The following STRN4 variants were observed in gnomAD, a reference collection of about 807,000 sequenced individuals.
STRN4 encodes striatin-4.
STRN4 carries 27 observed loss-of-function variants against 77.9 expected under a neutral mutation model. The ratio of observed to expected loss-of-function variants is 0.35; its 90% CI spans 0.26 to 0.48. The LOEUF is 0.48. STRN4 is among the 20% of genes least tolerant of loss of function. The pLI is 0.99. For synonymous variants in STRN4, 466 were observed against 443.1 expected (o/e 1.05, Z -0.65); for missense variants, 798 against 1,049.7 (o/e 0.76, Z 3.31).
chr19:46,720,451 C>T (rs1037955352), intron 17 of STRN4, 85 bp downstream of exon 17: 5 of 989,952 alleles, frequency 5.1e-6, no homozygotes, highest in Non-Finnish European at 6.8e-6. Context: ...ACAGGACGCC[C>T]CTGACTGGAC....
intron 8 of STRN4, 42 bp downstream of exon 8, chr19:46,727,852 A>T: frequency 1.3e-6 from 2 of 1,517,504 alleles, no homozygotes; most frequent in Non-Finnish European, 1.8e-6. Flanking sequence ...TCCCTCTGCC[A>T]TGGGCCCGCA....
intron 8 of STRN4, 99 bp from the exon 9 acceptor site, chr19:46,727,645 A>C: frequency 9.9e-7 from 1 of 1,010,468 alleles, no homozygotes; most frequent in Non-Finnish European, 1.5e-6. Flanking sequence ...GAAAGAGATA[A>C]AGAGCAAGAG....
intron 4 of STRN4, among the ~76,000 whole-genome samples, chr19:46,734,053 C>T (rs1323375149): frequency 4.6e-5 from 7 of 152,192 alleles, no homozygotes; most frequent in African/African-American, 1.4e-4. Context: ...TTAGGCTGCA[C>T]GCACCTGCAT....
intron 4 of STRN4, among the ~76,000 whole-genome samples, chr19:46,734,277 A>C (rs2054313744): frequency 6.6e-6 from 1 of 152,254 alleles, no homozygotes; most frequent in Admixed American, 6.5e-5. Flanking sequence ...CAGAGATCTC[A>C]GTGAGGAGCC....
chr19:46,734,769 A>G (rs547249312), intron 4 of STRN4, among the ~76,000 whole-genome samples: 5 of 152,124 alleles, frequency 3.3e-5, no homozygotes, highest in East Asian at 3.9e-4. Flanking sequence ...GGTTCACGCC[A>G]TTCTCCTGCC....
chr19:46,738,746 G>A lies in STRN4; in HGVS notation c.386+39C>T, dbSNP rs1176061522. 1.7e-5 allele frequency: 27 copies of A among 1,604,032 alleles called. No homozygotes were observed. Among genetic ancestry groups the A allele is most frequent in the South Asian group, 7.7e-5 (7 of 90,894 alleles). Reference sequence around the variant, plus strand: ...GGCCTCCTGACACTGTGCTTGAGACGGACCCAGAAGGCAGGCCCAGGGCAG... The same window carrying A: ...GGCCTCCTGACACTGTGCTTGAGACAGACCCAGAAGGCAGGCCCAGGGCAG... On this transcript the variant is annotated intron_variant, in intron 2 of 17. Coordinates refer to ENST00000263280, the MANE Select transcript of STRN4 (RefSeq NM_013403.3). This position sits in a 1 kb window ranked among gnomAD's most constrained non-coding sequence, Gnocchi z 4.5.
chr19:46,746,311 C>A lies in STRN4; in HGVS notation c.120G>T (p.Gly40=). The A allele has an allele frequency of 7.3e-7, 1 of 1,368,900 alleles. No homozygotes were observed. Among genetic ancestry groups the A allele is most frequent in the Non-Finnish European group, 9.4e-7 (1 of 1,065,608 alleles). The allele number at this position is 1,368,900 out of a possible 1,614,324, so 84.8% of individuals were successfully genotyped here. A position where few individuals can be genotyped will look rare whatever the true frequency, so the allele number is the denominator to read the frequency against. Residue 40 remains glycine, a synonymous_variant, in exon 1 of 18, where the codon GGG becomes GGT. Transcript: ENST00000263280. The part of the protein sequence containing the change: ...GAAPVSAPAP[G]PGPAGKGGGG... ...CGCCTCCCTTACCTGCCGGGCCCGG[C>A]CCGGGGGCAGGGGCGGAGACCGGGG...
intron 1 of STRN4, chr19:46,739,237 G>A: frequency 9.1e-6 from 3 of 330,610 alleles, no homozygotes; most frequent in South Asian, 2.9e-5. Flanking sequence ...CACCGCCCTG[G>A]ACTACCCCTG....
intron 1 of STRN4, 186 bp downstream of exon 1, chr19:46,745,963 G>C: frequency 2.1e-6 from 1 of 471,090 alleles, no homozygotes; most frequent in Non-Finnish European, 3.0e-6. Context: ...GTCCCACCCC[G>C]GAGTGCCCTC....
At chr19:46,745,179 T>C (rs952474388) in intron 1 of STRN4, among the ~76,000 whole-genome samples, 3 of 152,010 alleles carry the variant, frequency 2.0e-5, no homozygotes, top group African/African-American at 4.8e-5. Flanking sequence ...ATACTGGACA[T>C]GCCCAACACC....
rs1396770231 is a variant in STRN4 at position 46,736,900 on chromosome 19, G to A, written c.462C>T (p.Val154=). 1.2e-6 allele frequency: 2 copies of A among 1,611,718 alleles called. No individual in the cohort carries two copies. The highest frequency in any genetic ancestry group is 1.3e-5 in the African/African-American group (1 of 74,778). Residue 154 remains valine (V), a splice_region_variant and synonymous_variant, in exon 4 of 18, where the codon GTC becomes GTT. Coordinates refer to ENST00000263280, the MANE Select transcript of STRN4 (RefSeq NM_013403.3). Reference sequence around the variant, plus strand: ...TGACCGATTCCACGGGGCCATTGGAGACTGGCGGGTGAGAGAACGGAGGCT... The same window carrying A: ...TGACCGATTCCACGGGGCCATTGGAAACTGGCGGGTGAGAGAACGGAGGCT... The part of the protein sequence containing the change: ...GEKKADVSEQ[V]SNGPVESVTL...
At chr19:46,727,116 C>G (rs960592034) in intron 9 of STRN4, among the ~76,000 whole-genome samples, 1 of 149,148 alleles carries the variant, frequency 6.7e-6, no homozygotes, top group African/African-American at 2.4e-5. Flanking sequence ...CACTGAGGCC[C>G]GGAACATTTC....
chr19:46,723,022 T>C lies in STRN4; in HGVS notation c.1766-72A>G. ...AGCCCTGCCCCAGGGTGGGGGACAGTGGGTGGGAGGCCTGGGGCCTCAGCA... is the reference window on the plus strand; with the variant it reads ...AGCCCTGCCCCAGGGTGGGGGACAGCGGGTGGGAGGCCTGGGGCCTCAGCA... On this transcript the variant is annotated intron_variant, in intron 13 of 17. Transcript: ENST00000263280. This position sits in a 1 kb window ranked among gnomAD's most constrained non-coding sequence, Gnocchi z 5.5. The C allele has an allele frequency of 1.9e-6, 3 of 1,598,612 alleles. No homozygotes were observed. The highest frequency in any genetic ancestry group is 2.6e-6 in the Non-Finnish European group (3 of 1,171,132).
chr19:46,744,834 T>G (rs1185701850), intron 1 of STRN4, among the ~76,000 whole-genome samples: 1 of 151,930 alleles, frequency 6.6e-6, no homozygotes, highest in Non-Finnish European at 1.5e-5. Context: ...TCTTCAGACT[T>G]CCAGCGGGCC....
chr19:46,732,912 G>C, intron 5 of STRN4, 127 bp downstream of exon 5: 1 of 1,125,884 alleles, frequency 8.9e-7, no homozygotes, highest in Non-Finnish European at 1.2e-6. Context: ...GAACAAGGGA[G>C]CCCACGGCAT....
intron 6 of STRN4, among the ~76,000 whole-genome samples, chr19:46,729,244 CACG>C (rs1195627075): frequency 6.6e-6 from 1 of 152,230 alleles, no homozygotes; most frequent in Non-Finnish European, 1.5e-5. Flanking sequence ...CCCTCGCAGA[CACG>C]ACTTCACTTA....
chr19:46,731,678 CG>C (rs1386058291), intron 5 of STRN4: 2 of 152,500 alleles, frequency 1.3e-5, no homozygotes, highest in Non-Finnish European at 2.9e-5. Flanking sequence ...GCACTTGCAG[CG>C]GGACACAGGA....
At chr19:46,729,067 AC>A (rs759660342) in intron 6 of STRN4, among the ~76,000 whole-genome samples, 1 of 152,196 alleles carries the variant, frequency 6.6e-6, no homozygotes, top group Non-Finnish European at 1.5e-5. Context: ...AGATAATGCA[AC>A]AATCTGCCTG....
intron 6 of STRN4, among the ~76,000 whole-genome samples, chr19:46,729,063 T>C (rs1169654056): frequency 6.6e-6 from 1 of 152,170 alleles, no homozygotes; most frequent in African/African-American, 2.4e-5. Context: ...AGTCAGATAA[T>C]GCAACAATCT....
Sources: allele counts gnomAD v4.1 joint callset (sites outside exome capture counted in the v4.1 genomes callset), GRCh38; gene constraint gnomAD v4.1.1; non-coding constraint Gnocchi (gnomAD v3.1); transcripts MANE v1.5; gene names NCBI Gene and HGNC (gene_info 2026-07-23, HGNC 2026-07-21).